CARD10: variants seen among roughly 807,000 people sequenced by gnomAD.
The protein encoded by CARD10 is caspase recruitment domain family member 10, also known as caspase recruitment domain-containing protein 10.
In CARD10, 49 loss-of-function variants were observed where a neutral mutation model predicts 114.6. The ratio of observed to expected loss-of-function variants is 0.43; its 90% CI spans 0.34 to 0.54. The LOEUF (loss-of-function observed/expected upper bound fraction) is 0.54. Among genes scored for constraint, CARD10 ranks in the 20% least tolerant of loss-of-function variants. CARD10 has a pLI of 0.03. For missense variants in CARD10, 1,206 were observed against 1,397.2 expected (o/e 0.86, Z 2.18); for synonymous variants, 602 against 593.2 (o/e 1.01, Z -0.21).
chr22:37,512,492 C>G (rs889884640), intron 3 of CARD10, among the ~76,000 whole-genome samples: 1 of 149,398 alleles, frequency 6.7e-6, no homozygotes, highest in East Asian at 1.9e-4. Context: ...CACACACACA[C>G]ACACACACAC....
In CARD10 at chr22:37,502,649, C is replaced by T; in HGVS notation, c.1740G>A (p.Lys580=). The change falls in exon 11 of 20, where the codon AAG becomes AAA. Residue 580 remains lysine, a synonymous_variant. Coordinates refer to ENST00000251973, the MANE Select transcript of CARD10 (RefSeq NM_014550.4). ...AGCCCCGAGCCAGGAGGCCTTCCGG[C>T]TTTCCCAAAGGCCACACGCTGTCAG... ...SSSDSVWPLG[K]PEGLLARGCG... is the part of the protein sequence containing the mutation. 6.2e-7 allele frequency: 1 copy of T among 1,613,986 alleles called. No homozygotes were observed. Among genetic ancestry groups the T allele is most frequent in the Non-Finnish European group, 8.5e-7 (1 of 1,179,980 alleles).
intron 4 of CARD10, chr22:37,509,236 T>C: frequency 8.6e-7 from 1 of 1,167,334 alleles, no homozygotes; most frequent in Non-Finnish European, 1.1e-6. Flanking sequence ...GCTGCTGACC[T>C]GCCACTGACC....
At chr22:37,508,997 C>T in intron 4 of CARD10, 1 of 1,549,676 alleles carries the variant, frequency 6.5e-7, no homozygotes, top group Non-Finnish European at 8.7e-7. Flanking sequence ...CGTGCTCTGG[C>T]CCTCACCCAC....
At chr22:37,508,322 T>A (rs963298445) in intron 5 of CARD10, among the ~76,000 whole-genome samples, 3 of 152,026 alleles carry the variant, frequency 2.0e-5, no homozygotes, top group Non-Finnish European at 4.4e-5. Context: ...CCTGCTGGAG[T>A]TCCCCCTCAA....
At chr22:37,509,167 C>T (rs1923523785) in intron 4 of CARD10, 1 of 1,444,620 alleles carries the variant, frequency 6.9e-7, no homozygotes, top group South Asian at 1.5e-5. Flanking sequence ...CCATGAAACA[C>T]ACTGGCTCTC....
chr22:37,495,894 G>T lies in CARD10; in HGVS notation c.2169C>A (p.Ala723=), dbSNP rs866666213. ...GGATCTCTTGGGCTTTCACGCAAAG[G>T]GCATGGGGATCTGCCCTCTCAGGCA... is the stretch of plus-strand genomic sequence containing the variant. ...LTLPERADPH[A]LCVKAQEILR... is the part of the protein sequence containing the mutation. Residue 723 remains alanine, a synonymous_variant, in exon 14 of 20, where the codon GCC becomes GCA. Transcript: ENST00000251973. The T allele has an allele frequency of 1.2e-6, 2 of 1,614,140 alleles. No individual in the cohort carries two copies. Among genetic ancestry groups the T allele is most frequent in the South Asian group, 2.2e-5 (2 of 91,088 alleles).
At position 37,496,943 on chromosome 22, in the gene CARD10, T is replaced by C; in HGVS notation, c.1947+76A>G. Reference sequence around the variant, plus strand: ...CAGAAGCTCTGCCCGGTGATCTTGATCCACCAAATTAAGGGATGTCCAGCC... The same window carrying C: ...CAGAAGCTCTGCCCGGTGATCTTGACCCACCAAATTAAGGGATGTCCAGCC... On this transcript the variant is annotated intron_variant, in intron 12 of 19. Coordinates refer to ENST00000251973, the MANE Select transcript of CARD10 (RefSeq NM_014550.4). The surrounding 1 kb of genome is among the most constrained non-coding windows in gnomAD (Gnocchi z 4.1). 1 of 1,459,142 alleles carries C rather than the reference T, an allele frequency of 6.9e-7. No homozygotes were observed. The highest frequency in any genetic ancestry group is 9.2e-7 in the Non-Finnish European group (1 of 1,086,688). The allele number at this position is 1,459,142 out of a possible 1,614,324, so 90.4% of individuals were successfully genotyped here. A position where few individuals can be genotyped will look rare whatever the true frequency, so the allele number is the denominator to read the frequency against.
intron 9 of CARD10, chr22:37,503,898 G>C: frequency 1.8e-6 from 1 of 552,034 alleles, no homozygotes; most frequent in Non-Finnish European, 3.4e-6. Flanking sequence ...GAACCATCAA[G>C]CTTCTCCTTG....
At chr22:37,498,839 TCA>T (rs1923103052) in intron 11 of CARD10, among the ~76,000 whole-genome samples, 1 of 135,862 alleles carries the variant, frequency 7.4e-6, no homozygotes, top group African/African-American at 2.8e-5. Context: ...CTGCTGAGCG[TCA>T]GTTACCACAT....
In CARD10 at chr22:37,510,270, C is replaced by A; in HGVS notation, c.851G>T (p.Arg284Leu). Residue 284 changes from arginine to leucine, a missense_variant, in exon 4 of 20, where the codon CGT becomes CTT. Around this residue, in one of 2 missense-constraint regions of CARD10, gnomAD observed 1,068 missense variants for 1,179.1 expected, o/e 0.91. Coordinates refer to ENST00000251973, the MANE Select transcript of CARD10 (RefSeq NM_014550.4). The stretch of plus-strand genomic sequence containing the variant: ...CGCCGTCAGCCGCTGGTTCTCAGCA[C>A]GCAGCTCAGAGACAAGGTCCACATT... ...PDNVDLVSEL[R>L]AENQRLTASL... 1 of 1,604,968 alleles carries A rather than the reference C, an allele frequency of 6.2e-7. No individual in the cohort carries two copies. The highest frequency in any genetic ancestry group is 1.7e-5 in the Admixed American group (1 of 60,016).
At chr22:37,493,948 T>G in intron 16 of CARD10, 138 bp downstream of exon 16, 1 of 709,420 alleles carries the variant, frequency 1.4e-6, no homozygotes, top group African/African-American at 1.7e-5. Context: ...GCCCCCAGCA[T>G]GACCCCCACT....
At chr22:37,514,698 A>G (rs1923775971) in intron 3 of CARD10, 1 of 152,296 alleles carries the variant, frequency 6.6e-6, no homozygotes, top group Admixed American at 6.5e-5. Flanking sequence ...CCACGGCCCA[A>G]GGCTCCTGGG....
At chr22:37,494,968 TG>T (rs1922941121) in intron 15 of CARD10, among the ~76,000 whole-genome samples, 1 of 149,862 alleles carries the variant, frequency 6.7e-6, no homozygotes, top group Non-Finnish European at 1.5e-5. Flanking sequence ...TTGTTTTTTT[TG>T]TTTTTTTTTT....
chr22:37,495,692 G>A, intron 14 of CARD10, 68 bp downstream of exon 14: 2 of 1,610,540 alleles, frequency 1.2e-6, no homozygotes, highest in Non-Finnish European at 1.7e-6. Flanking sequence ...GCAGGTGGAG[G>A]GAGAGCACCC....
At chr22:37,509,015 G>A (rs1484567531) in intron 4 of CARD10, 3 of 1,550,064 alleles carry the variant, frequency 1.9e-6, no homozygotes, top group Non-Finnish European at 8.7e-7. Flanking sequence ...CACCATCCAG[G>A]GCAGCAGACG....
chr22:37,510,537 G>A (rs1384303169), intron 3 of CARD10, 116 bp from the exon 4 acceptor site: 22 of 814,354 alleles, frequency 2.7e-5, no homozygotes, highest in Non-Finnish European at 3.7e-5. Context: ...CAGAGAAGCC[G>A]AAGCAGGAGT....
In CARD10 at chr22:37,506,210, CT is replaced by C. The variant is rs1415636682; in HGVS notation, c.1364del (p.Gln455ArgfsTer25). The C allele has an allele frequency of 6.3e-7, 1 of 1,582,846 alleles. No homozygotes were observed. The highest frequency in any genetic ancestry group is 8.6e-7 in the Non-Finnish European group (1 of 1,162,230). ...ALLEVQLQRA[Q>X]GGTCLKACAS... is the part of the protein sequence containing the mutation. ...CGCTCACCTTGAGGCAGGTGCCACCCTGGGCCCGCTGCAGCTGAACCTCCAG... is the reference window on the plus strand; with the variant it reads ...CGCTCACCTTGAGGCAGGTGCCACCCGGGCCCGCTGCAGCTGAACCTCCAG... On this transcript the variant is annotated frameshift_variant, in exon 7 of 20. Coordinates refer to ENST00000251973, the MANE Select transcript of CARD10 (RefSeq NM_014550.4). LOFTEE classifies it high-confidence loss of function.
chr22:37,492,564 GGA>G lies in CARD10; in HGVS notation c.2636-16_2636-15del. 6.2e-7 allele frequency: 1 copy of G among 1,602,366 alleles called. No homozygotes were observed. The highest frequency in any genetic ancestry group is 8.5e-7 in the Non-Finnish European group (1 of 1,173,234). ...CAGAGAGGCTTTCTGCACAGGGAGT[GGA>G]GAGGGAGAGATGAAGGATCCATGGG... On this transcript the variant is annotated splice_polypyrimidine_tract_variant and intron_variant, in intron 17 of 19. Transcript: ENST00000251973. This position sits in a 1 kb window ranked among gnomAD's most constrained non-coding sequence, Gnocchi z 5.7.
At chr22:37,504,011 T>C in intron 9 of CARD10, 175 bp downstream of exon 9, 1 of 715,790 alleles carries the variant, frequency 1.4e-6, no homozygotes, top group Non-Finnish European at 2.6e-6. Context: ...AGCCTGACCT[T>C]GGTCGCCCCT....
Sources: allele counts gnomAD v4.1 joint callset (sites outside exome capture counted in the v4.1 genomes callset), GRCh38; gene constraint gnomAD v4.1.1; regional missense constraint gnomAD v4.1.1; non-coding constraint Gnocchi (gnomAD v3.1); transcripts MANE v1.5; gene names NCBI Gene and HGNC (gene_info 2026-07-23, HGNC 2026-07-21).